FOXP1: variants seen among roughly 807,000 people sequenced by gnomAD.
The protein encoded by FOXP1 is forkhead box protein P1.
A neutral mutation model predicts 98.2 loss-of-function variants in FOXP1; 15 were observed. The observed-to-expected ratio is 0.15, with a 90% CI of 0.10 to 0.24. The LOEUF (loss-of-function observed/expected upper bound fraction) is 0.24. Ranked by LOEUF, FOXP1 falls within the 10% of genes least tolerant of loss-of-function variation. The pLI is 1.00. For synonymous variants in FOXP1, 371 were observed against 314.5 expected, an observed-to-expected ratio of 1.18 and a Z score of -1.90; for missense variants, 633 against 848.5, an observed-to-expected ratio of 0.75 and a Z score of 3.15.
At chr3:71,135,172 T>C (rs1460998564) in intron 6 of FOXP1, among the ~76,000 whole-genome samples, 2 of 149,534 alleles carry the variant, frequency 1.3e-5, no homozygotes, top group Non-Finnish European at 2.9e-5. Flanking sequence ...GGCAGGAGAA[T>C]TGCTTGAACC....
At position 71,432,866 on chromosome 3, in the gene FOXP1, A is replaced by AAAC. The variant is rs142495025; in HGVS notation, c.-168+60559_-168+60560insGTT. Among the ~76,000 whole-genome samples the AAAC allele has an allele frequency of 4.1e-4, 57 of 138,472 alleles. 1 individual carries two copies. Among genetic ancestry groups the AAAC allele is most frequent in the African/African-American group, 1.1e-3 (40 of 35,656 alleles). The allele number at this position is 138,472 out of a possible 152,430, so 90.8% of individuals were successfully genotyped here. A position where few individuals can be genotyped will look rare whatever the true frequency, so the allele number is the denominator to read the frequency against. ...CATGTTAAAAAAAAAAAAAAAAAAA[A>AAAC]TTAAAAAAAAAAGCCCCATGATTTG... is the stretch of plus-strand genomic sequence containing the variant. On this transcript the variant is annotated intron_variant, in intron 3 of 20. Coordinates refer to ENST00000649528, the MANE Select transcript of FOXP1 (RefSeq NM_001349338.3).
chr3:71,355,729 A>T (rs2078108840), intron 4 of FOXP1, among the ~76,000 whole-genome samples: 1 of 152,212 alleles, frequency 6.6e-6, no homozygotes, highest in African/African-American at 2.4e-5. Context: ...GTACTACTAT[A>T]GGCTGGGGTC....
intron 19 of FOXP1, chr3:70,970,480 A>G: frequency 2.0e-6 from 1 of 489,972 alleles, no homozygotes; most frequent in Admixed American, 3.3e-5. Context: ...GAGGATGGAA[A>G]TTATGATACT....
intron 17 of FOXP1, among the ~76,000 whole-genome samples, chr3:70,973,764 CAT>C (rs2036861254): frequency 6.6e-6 from 1 of 150,618 alleles, no homozygotes; most frequent in Non-Finnish European, 1.5e-5. Flanking sequence ...GAAGTTGATA[CAT>C]ACATCACACT....
At chr3:71,007,922 T>TA (rs2043009377) in intron 12 of FOXP1, among the ~76,000 whole-genome samples, 1 of 152,152 alleles carries the variant, frequency 6.6e-6, no homozygotes, top group Non-Finnish European at 1.5e-5. Context: ...TTACAGCACA[T>TA]ATACAGTTTA....
At chr3:71,038,570 C>T (rs1311068464) in intron 11 of FOXP1, among the ~76,000 whole-genome samples, 5 of 151,822 alleles carry the variant, frequency 3.3e-5, no homozygotes, top group South Asian at 4.1e-4. Flanking sequence ...GGTTATCACA[C>T]GTGATTTTTA....
chr3:71,393,393 T>C (rs960858217), intron 3 of FOXP1, among the ~76,000 whole-genome samples: 1 of 152,032 alleles, frequency 6.6e-6, no homozygotes. Context: ...ATGATGACTA[T>C]AGAAGACTCA....
At chr3:70,998,007 A>G (rs983716642) in intron 13 of FOXP1, among the ~76,000 whole-genome samples, 1 of 152,208 alleles carries the variant, frequency 6.6e-6, no homozygotes, top group Non-Finnish European at 1.5e-5. Flanking sequence ...ACCCATGTGG[A>G]GACTAGACTG....
Position 71,076,034 on chromosome 3 carries a change from T to C in FOXP1, c.283-22261A>G, listed in dbSNP as rs549039280. On this transcript the variant is annotated intron_variant, in intron 7 of 20. Transcript: ENST00000649528. Reference sequence around the variant, plus strand: ...TGTGCCAGGCCCTGCTGGGATATTCTAAGGTGGGGTCTCTGCCCCAAGTGT... The same window carrying C: ...TGTGCCAGGCCCTGCTGGGATATTCCAAGGTGGGGTCTCTGCCCCAAGTGT... 9.6e-4 allele frequency among the ~76,000 whole-genome samples: 146 copies of C among 152,292 alleles called. 1 individual carries two copies. The highest frequency in any genetic ancestry group is 1.4e-3 in the Non-Finnish European group (95 of 68,018).
chr3:71,068,458 G>A (rs1209460848), intron 7 of FOXP1, among the ~76,000 whole-genome samples: 1 of 152,182 alleles, frequency 6.6e-6, no homozygotes, highest in Non-Finnish European at 1.5e-5. Context: ...GCCCTGTGGT[G>A]AGGCAGATAC....
chr3:71,244,754 G>A (rs933651128), intron 5 of FOXP1: 1 of 151,702 alleles, frequency 6.6e-6, no homozygotes, highest in African/African-American at 2.4e-5. Context: ...TTTGGGAGGG[G>A]GACCACAAAA....
chr3:71,582,142 G>C (rs1028417327), intron 1 of FOXP1: 24 of 984,974 alleles, frequency 2.4e-5, no homozygotes, highest in African/African-American at 1.2e-4. Context: ...CTTTGTTTCC[G>C]GGAGCGGAGC....
At chr3:71,272,327 G>A (rs888613069) in intron 5 of FOXP1, among the ~76,000 whole-genome samples, 1 of 152,142 alleles carries the variant, frequency 6.6e-6, no homozygotes, top group South Asian at 2.1e-4. Context: ...CAGTGTCCTC[G>A]GCATCCCGGG....
At chr3:71,094,606 C>T (rs905539181) in intron 7 of FOXP1, among the ~76,000 whole-genome samples, 1 of 152,178 alleles carries the variant, frequency 6.6e-6, no homozygotes. Context: ...GGCCTGTTTC[C>T]TGATCATGTG....
chr3:71,110,247 C>G (rs2057802180), intron 7 of FOXP1, among the ~76,000 whole-genome samples: 1 of 152,064 alleles, frequency 6.6e-6, no homozygotes, highest in Non-Finnish European at 1.5e-5. Flanking sequence ...CTAAAAATGC[C>G]ATATGTTTTT....
intron 5 of FOXP1, among the ~76,000 whole-genome samples, chr3:71,225,581 T>G (rs1231035138): frequency 1.3e-5 from 2 of 152,332 alleles, no homozygotes; most frequent in Admixed American, 6.5e-5. Context: ...TAGAATTCTG[T>G]AAGATAAACA....
At position 71,000,936 on chromosome 3, in the gene FOXP1, T is replaced by C. The variant is rs761502842; in HGVS notation, c.1062+36A>G. On this transcript the variant is annotated intron_variant, in intron 13 of 20. Transcript: ENST00000649528. ...CTACAGAAATCTGGAATTTGAGGCA[T>C]ACTGAGGTTAATATTAAAAATAAAT... 4.4e-6 allele frequency: 6 copies of C among 1,368,730 alleles called. No homozygotes were observed. The South Asian group carries it at 4.6e-5, about 11-fold the overall frequency. 84.8% of individuals were successfully genotyped at this position (1,368,730 alleles called of 1,614,324 possible).
intron 2 of FOXP1, among the ~76,000 whole-genome samples, chr3:71,562,347 T>C (rs922814324): frequency 1.3e-5 from 2 of 152,208 alleles, no homozygotes; most frequent in Admixed American, 1.3e-4. Context: ...GCAGGTGCTA[T>C]CATACCATTT....
At chr3:71,388,508 T>C (rs989789343) in intron 3 of FOXP1, among the ~76,000 whole-genome samples, 2 of 152,146 alleles carry the variant, frequency 1.3e-5, no homozygotes, top group African/African-American at 4.8e-5. Flanking sequence ...TAACGTTAAG[T>C]ACAAATTTTC....
Sources: gnomAD v4.1 joint callset for allele counts (sites outside exome capture counted in the v4.1 genomes callset) on GRCh38, gnomAD v4.1.1 for gene constraint, MANE v1.5 for transcripts, NCBI Gene and HGNC (gene_info 2026-07-23, HGNC 2026-07-21) for gene names.